Variants in CSMD1 observed in about 807,000 individuals in gnomAD.
The protein encoded by CSMD1 is CUB and Sushi multiple domains 1, also known as CUB and sushi domain-containing protein 1.
A neutral mutation model predicts 417.5 loss-of-function variants in CSMD1; 213 were observed. That is an observed-to-expected ratio of 0.51 (90% CI 0.46 to 0.57). The LOEUF (loss-of-function observed/expected upper bound fraction) is 0.57. Among genes scored for constraint, CSMD1 ranks in the 20% least tolerant of loss-of-function variants. The pLI, the probability that CSMD1 is intolerant of heterozygous loss-of-function variation, is 0.00. For synonymous variants in CSMD1, 2,862 were observed against 1,736.8 expected (o/e 1.65, Z -16.11); for missense variants, 6,923 against 4,529.7 (o/e 1.53, Z -15.17).
chr8:3,838,398 CTA>C (rs34113085), intron 5 of CSMD1, among the ~76,000 whole-genome samples: 50,684 of 149,032 alleles, frequency 0.34, 8,937 homozygotes, highest in African/African-American at 0.42. Context: ...TATATATAGC[CTA>C]TATATATAGA....
intron 3 of CSMD1, among the ~76,000 whole-genome samples, chr8:4,377,211 C>T (rs959268447): frequency 3.3e-5 from 5 of 152,010 alleles, no homozygotes; most frequent in African/African-American, 4.8e-5. Flanking sequence ...GGGCTGAGAG[C>T]GCAAAAGAGG....
rs148212210 is a variant in CSMD1, at chr8:4,397,681, A to G, written c.415+22272T>C. On this transcript the variant is annotated intron_variant, in intron 3 of 69. Transcript: ENST00000635120. ...GCTTTAAATTGCGGCAGTAAGATGA[A>G]GAAATAGATATTAATAAGATTTCAA... 6.4e-4 allele frequency among the ~76,000 whole-genome samples: 98 copies of G among 152,144 alleles called. 1 individual carries two copies. The highest frequency in any genetic ancestry group is 2.1e-3 in the African/African-American group (89 of 41,536).
intron 1 of CSMD1, among the ~76,000 whole-genome samples, chr8:4,986,698 T>A (rs376078466): frequency 3.9e-5 from 6 of 152,108 alleles, no homozygotes; most frequent in East Asian, 3.9e-4. Flanking sequence ...GGAGCTTGAA[T>A]CTCTGTTTTG....
chr8:4,712,986 G>A (rs768948481), intron 1 of CSMD1, among the ~76,000 whole-genome samples: 21 of 152,166 alleles, frequency 1.4e-4, no homozygotes, highest in Admixed American at 3.3e-4. Context: ...GGGAATTACT[G>A]GCAGTAATAT....
chr8:3,558,401 A>C (rs1799281315), intron 10 of CSMD1, among the ~76,000 whole-genome samples: 1 of 148,282 alleles, frequency 6.7e-6, no homozygotes, highest in African/African-American at 2.5e-5. Context: ...CCACTTCTCC[A>C]ATGATGAACG....
At chr8:3,770,862 G>C (rs73658249) in intron 5 of CSMD1, among the ~76,000 whole-genome samples, 1 of 152,260 alleles carries the variant, frequency 6.6e-6, no homozygotes, top group African/African-American at 2.4e-5. Context: ...AAATGGTCCT[G>C]TAGCTCATAT....
chr8:3,601,914 G>A (rs149046792), intron 8 of CSMD1, among the ~76,000 whole-genome samples: 3 of 152,000 alleles, frequency 2.0e-5, no homozygotes, highest in Non-Finnish European at 2.9e-5. Flanking sequence ...GAGAGAGAGG[G>A]TTATAGCACA....
At chr8:4,767,660 G>C (rs1274077613) in intron 1 of CSMD1, among the ~76,000 whole-genome samples, 3 of 152,110 alleles carry the variant, frequency 2.0e-5, no homozygotes, top group Admixed American at 6.6e-5. Context: ...TCTACATTTA[G>C]CTACCCACAG....
At chr8:3,266,504 G>A (rs1467368885) in intron 26 of CSMD1, among the ~76,000 whole-genome samples, 1 of 151,204 alleles carries the variant, frequency 6.6e-6, no homozygotes, top group Non-Finnish European at 1.5e-5. Flanking sequence ...TACTTGGGAG[G>A]CTGAGGCAGG....
chr8:4,455,840 A>G (rs1489928588), intron 2 of CSMD1, among the ~76,000 whole-genome samples: 2 of 145,618 alleles, frequency 1.4e-5, no homozygotes, highest in Non-Finnish European at 3.0e-5. Flanking sequence ...CTGAGGCAAG[A>G]TAACTGCTTG....
At chr8:3,830,309 G>T (rs553557672) in intron 5 of CSMD1, among the ~76,000 whole-genome samples, 1 of 152,176 alleles carries the variant, frequency 6.6e-6, no homozygotes, top group South Asian at 2.1e-4. Flanking sequence ...CAAACTAAGC[G>T]TCAGCCTTCA....
chr8:4,054,524 C>G (rs1461819424), intron 3 of CSMD1, among the ~76,000 whole-genome samples: 1 of 152,046 alleles, frequency 6.6e-6, no homozygotes. Context: ...CCTACCTCAT[C>G]CAATTATCAA....
intron 20 of CSMD1, among the ~76,000 whole-genome samples, chr8:3,362,209 C>T (rs961311987): frequency 6.6e-6 from 1 of 152,176 alleles, no homozygotes; most frequent in East Asian, 1.9e-4. Context: ...AGTCACCCAG[C>T]CACCATATCC....
At chr8:4,882,465 T>G (rs986273748) in intron 1 of CSMD1, among the ~76,000 whole-genome samples, 3 of 151,794 alleles carry the variant, frequency 2.0e-5, no homozygotes, top group African/African-American at 7.3e-5. Context: ...GGGGGCGAGT[T>G]TGGCGTTTTG....
intron 5 of CSMD1, among the ~76,000 whole-genome samples, chr8:3,961,429 C>T (rs1476244313): frequency 6.6e-6 from 1 of 152,100 alleles, no homozygotes; most frequent in Non-Finnish European, 1.5e-5. Flanking sequence ...CCAAATATTC[C>T]CACAGGTGAT....
At chr8:4,275,880 G>T (rs62478560) in intron 3 of CSMD1, among the ~76,000 whole-genome samples, 14,574 of 152,198 alleles carry the variant, frequency 0.096, 873 homozygotes, top group Non-Finnish European at 0.14. Context: ...ATAATTGGAT[G>T]AACAATAAAT....
intron 52 of CSMD1, among the ~76,000 whole-genome samples, chr8:3,005,467 C>T (rs1364926846): frequency 6.6e-6 from 1 of 151,866 alleles, no homozygotes; most frequent in African/African-American, 2.4e-5. Context: ...GAAACACAAC[C>T]AAAAAAGAGA....
intron 2 of CSMD1, among the ~76,000 whole-genome samples, chr8:4,494,490 A>G (rs910383673): frequency 7.9e-5 from 12 of 152,206 alleles, no homozygotes; most frequent in African/African-American, 2.7e-4. Context: ...ATTCTATCCA[A>G]GTTTTACGTT....
chr8:3,420,150 G>A (rs9644339), intron 12 of CSMD1, among the ~76,000 whole-genome samples: 2,578 of 152,130 alleles, frequency 0.017, 52 homozygotes, highest in East Asian at 0.096. Flanking sequence ...GAAAAGCCAA[G>A]CTAAGTCCTC....
Sources: allele counts gnomAD v4.1 joint callset (sites outside exome capture counted in the v4.1 genomes callset), GRCh38; gene constraint gnomAD v4.1.1; transcripts MANE v1.5; gene names NCBI Gene and HGNC (gene_info 2026-07-23, HGNC 2026-07-21).